PACSIN2: variants seen among roughly 807,000 people sequenced by gnomAD.
PACSIN2 encodes protein kinase C and casein kinase substrate in neurons 2.
PACSIN2 carries 25 observed loss-of-function variants against 63.8 expected under a neutral mutation model. That is an observed-to-expected ratio of 0.39 (90% CI 0.29 to 0.55). PACSIN2 has a LOEUF of 0.55. PACSIN2 is among the 20% of genes least tolerant of loss of function. The probability of loss-of-function intolerance (pLI) is 0.62; values close to 1 mark genes in which losing one functional copy is unlikely to be tolerated. For synonymous variants in PACSIN2, 255 were observed against 256.2 expected, an observed-to-expected ratio of 1.00 and a Z score of 0.05; for missense variants, 518 against 646.9, an observed-to-expected ratio of 0.80 and a Z score of 2.16.
chr22:42,872,904 G>A (rs1928278048), intron 10 of PACSIN2, among the ~76,000 whole-genome samples: 1 of 152,248 alleles, frequency 6.6e-6, no homozygotes, highest in Non-Finnish European at 1.5e-5. Context: ...TCTTTCCACC[G>A]CTTCGTGCCT....
At chr22:42,955,009 G>A (rs1237338771) in intron 1 of PACSIN2, among the ~76,000 whole-genome samples, 3 of 152,082 alleles carry the variant, frequency 2.0e-5, no homozygotes, top group Non-Finnish European at 4.4e-5. Context: ...TATTGCTCCC[G>A]CTGCTTCTCT....
chr22:42,926,634 C>A (rs1479120098), intron 1 of PACSIN2, among the ~76,000 whole-genome samples: 1 of 151,494 alleles, frequency 6.6e-6, no homozygotes, highest in African/African-American at 2.4e-5. Flanking sequence ...CATCTTGTTT[C>A]ACTCAACATG....
At chr22:42,955,454 T>C (rs993891517) in intron 1 of PACSIN2, among the ~76,000 whole-genome samples, 5 of 151,362 alleles carry the variant, frequency 3.3e-5, no homozygotes, top group African/African-American at 1.2e-4. Flanking sequence ...AAAGCTGTCA[T>C]ACCTGGAGAT....
intron 1 of PACSIN2, among the ~76,000 whole-genome samples, chr22:42,925,683 G>A (rs1932491452): frequency 6.6e-6 from 1 of 152,120 alleles, no homozygotes; most frequent in African/African-American, 2.4e-5. Context: ...AATAATGAGA[G>A]CATTTATGTG....
intron 1 of PACSIN2, among the ~76,000 whole-genome samples, chr22:43,010,398 A>ATATATATATATATTTTTTTTTTTT: frequency 1.2e-4 from 15 of 126,386 alleles, no homozygotes; most frequent in Non-Finnish European, 2.2e-4. Context: ...ATATATATAT[A>ATATATATATATATTTTTTTTTTTT]TTTTTTTTTA....
At chr22:42,968,539 T>G (rs1429847014) in intron 1 of PACSIN2, among the ~76,000 whole-genome samples, 3 of 152,184 alleles carry the variant, frequency 2.0e-5, no homozygotes, top group African/African-American at 7.2e-5. Flanking sequence ...TTTAGAGTTT[T>G]AGGTGTCAAC....
At chr22:42,874,632 G>C (rs549836459) in intron 10 of PACSIN2, among the ~76,000 whole-genome samples, 1 of 152,312 alleles carries the variant, frequency 6.6e-6, no homozygotes, top group South Asian at 2.1e-4. Flanking sequence ...TGGCAGTTGG[G>C]GACCCCTAGA....
At chr22:42,939,784 C>G (rs1171778508) in intron 1 of PACSIN2, among the ~76,000 whole-genome samples, 2 of 152,132 alleles carry the variant, frequency 1.3e-5, no homozygotes, top group Non-Finnish European at 2.9e-5. Flanking sequence ...CCCTGGCCAG[C>G]CTAGTTCTCA....
chr22:42,923,572 C>T (rs1321497991), intron 1 of PACSIN2, among the ~76,000 whole-genome samples: 6 of 152,116 alleles, frequency 3.9e-5, no homozygotes, highest in South Asian at 2.1e-4. Flanking sequence ...GGACTACAGG[C>T]GCCCGCCACC....
chr22:42,989,990 A>T (rs8137128), intron 1 of PACSIN2, among the ~76,000 whole-genome samples: 86,889 of 143,794 alleles, frequency 0.6, 26,838 homozygotes, highest in East Asian at 0.77. Context: ...ATATTTATAT[A>T]TACATATATA....
chr22:42,983,316 CA>C lies in PACSIN2; in HGVS notation c.-78+31704del, dbSNP rs1180708676. Among the ~76,000 whole-genome samples, 584 of 63,642 alleles carry C rather than the reference CA, an allele frequency of 9.2e-3. 3 individuals are homozygous for C. Among genetic ancestry groups the C allele is most frequent in the African/African-American group, 0.026 (473 of 17,874 alleles). 41.8% of individuals were successfully genotyped at this position (63,642 alleles called of 152,430 possible). A position where few individuals can be genotyped will look rare whatever the true frequency, so the allele number is the denominator to read the frequency against. The stretch of plus-strand genomic sequence containing the variant: ...CAGGCAACAGAGCGAGACTCCATCT[CA>C]AAAAAAAAAAAAAAAAAAAGAAACT... On this transcript the variant is annotated intron_variant, in intron 1 of 10. Coordinates refer to ENST00000263246, the MANE Select transcript of PACSIN2 (RefSeq NM_001184970.3).
intron 1 of PACSIN2, among the ~76,000 whole-genome samples, chr22:42,947,505 C>G (rs1441111376): frequency 6.6e-6 from 1 of 152,114 alleles, no homozygotes; most frequent in Non-Finnish European, 1.5e-5. Context: ...CTTCCCTACC[C>G]AACAGTCTGA....
intron 1 of PACSIN2, among the ~76,000 whole-genome samples, chr22:42,965,624 A>G (rs572206365): frequency 6.6e-6 from 1 of 152,180 alleles, no homozygotes; most frequent in African/African-American, 2.4e-5. Context: ...TTTTAGCCCA[A>G]GTGTATTTCT....
At chr22:42,999,629 T>C (rs1404633303) in intron 1 of PACSIN2, among the ~76,000 whole-genome samples, 1 of 151,950 alleles carries the variant, frequency 6.6e-6, no homozygotes, top group Non-Finnish European at 1.5e-5. Context: ...GATCATGCCA[T>C]TGCACTCCAG....
At chr22:42,897,201 T>C (rs1433915594) in intron 2 of PACSIN2, among the ~76,000 whole-genome samples, 1 of 152,218 alleles carries the variant, frequency 6.6e-6, no homozygotes, top group African/African-American at 2.4e-5. Context: ...CCTCCCAAAG[T>C]GTTGGGATTA....
chr22:42,950,941 G>C (rs970707439), intron 1 of PACSIN2, among the ~76,000 whole-genome samples: 1 of 152,120 alleles, frequency 6.6e-6, no homozygotes, highest in Non-Finnish European at 1.5e-5. Flanking sequence ...AGCATTAAGG[G>C]CTGGGGGAAA....
At chr22:43,001,782 T>C (rs896810850) in intron 1 of PACSIN2, among the ~76,000 whole-genome samples, 2 of 152,074 alleles carry the variant, frequency 1.3e-5, no homozygotes, top group African/African-American at 4.8e-5. Flanking sequence ...ACAGCCCCTG[T>C]GGGGAGAGGG....
chr22:42,900,445 G>A (rs1198494421), intron 2 of PACSIN2, among the ~76,000 whole-genome samples: 1 of 151,966 alleles, frequency 6.6e-6, no homozygotes, highest in Non-Finnish European at 1.5e-5. Context: ...GCTAGCCAGG[G>A]GATACTATTA....
chr22:42,899,808 T>C (rs1365210679), intron 2 of PACSIN2, among the ~76,000 whole-genome samples: 1 of 152,180 alleles, frequency 6.6e-6, no homozygotes, highest in Non-Finnish European at 1.5e-5. Context: ...TGTGCGCGAC[T>C]ACGCCGACAC....
Sources: gnomAD v4.1 joint callset for allele counts (sites outside exome capture counted in the v4.1 genomes callset) on GRCh38, gnomAD v4.1.1 for gene constraint, MANE v1.5 for transcripts, NCBI Gene and HGNC (gene_info 2026-07-23, HGNC 2026-07-21) for gene names.